Variants in LONP2 observed in about 807,000 individuals in gnomAD.
The protein encoded by LONP2 is lon protease homolog 2, peroxisomal.
A neutral mutation model predicts 85.6 loss-of-function variants in LONP2; 60 were observed. The ratio of observed to expected loss-of-function variants is 0.70; its 90% CI spans 0.57 to 0.87. The LOEUF (loss-of-function observed/expected upper bound fraction) is 0.87. Ranked by LOEUF, LONP2 falls within the 40% of genes least tolerant of loss-of-function variation. LONP2 has a pLI of 0.00. For synonymous variants in LONP2, 395 were observed against 389.7 expected (o/e 1.01, Z -0.16); for missense variants, 860 against 1,063.5 (o/e 0.81, Z 2.66).
chr16:48,244,599 C>G lies in LONP2; in HGVS notation c.211C>G (p.Gln71Glu), dbSNP rs748050260. 1 of 1,482,802 alleles carries G rather than the reference C, an allele frequency of 6.7e-7. No homozygotes were observed. Among genetic ancestry groups the G allele is most frequent in the South Asian group, 1.3e-5 (1 of 77,822 alleles). 91.9% of individuals were successfully genotyped at this position (1,482,802 alleles called of 1,614,324 possible). Reference sequence around the variant, plus strand: ...CACGCCTGACCCCGCCAGCGACGCGCAGGACCTGCCGCCGCTGCACAGGTA... The same window carrying G: ...CACGCCTGACCCCGCCAGCGACGCGGAGGACCTGCCGCCGCTGCACAGGTA... ...PNTPDPASDA[Q>E]DLPPLHRIGT... The change falls in exon 1 of 15, where the codon CAG (glutamine) becomes GAG (glutamate). Residue 71 changes from glutamine (Q) to glutamate (E), a missense_variant. This residue lies in a region of LONP2 where 743 missense variants were observed against 917.3 expected (regional missense o/e 0.81). Transcript: ENST00000285737.
At chr16:48,336,132 C>T (rs371707921) in intron 12 of LONP2, among the ~76,000 whole-genome samples, 1 of 152,296 alleles carries the variant, frequency 6.6e-6, no homozygotes, top group Non-Finnish European at 1.5e-5. Context: ...AAGATTAATG[C>T]ATGTCTCTGT....
chr16:48,259,314 A>T lies in LONP2; in HGVS notation c.723+574A>T, dbSNP rs74963510. On this transcript the variant is annotated intron_variant, in intron 4 of 14. Coordinates refer to ENST00000285737, the MANE Select transcript of LONP2 (RefSeq NM_031490.5). ...ATATTATTTTGAAGACAGCAGTTGT[A>T]TTTTTCCCTCAAATAGCTTTTTGTT... Among the ~76,000 whole-genome samples the T allele has an allele frequency of 9.1e-4, 138 of 152,232 alleles. No homozygotes were observed. The East Asian group carries it at 0.019, about 21-fold the overall frequency.
At chr16:48,318,406 C>A (rs1384838774) in intron 11 of LONP2, among the ~76,000 whole-genome samples, 1 of 152,034 alleles carries the variant, frequency 6.6e-6, no homozygotes, top group Non-Finnish European at 1.5e-5. Flanking sequence ...GTAGTCCCAG[C>A]TACTTGGGAG....
intron 6 of LONP2, among the ~76,000 whole-genome samples, chr16:48,266,773 G>T (rs1596923897): frequency 2.0e-5 from 3 of 152,040 alleles, no homozygotes; most frequent in Admixed American, 6.6e-5. Context: ...AGACATTTGG[G>T]TTGTTTTCAG....
chr16:48,307,981 C>T (rs977380869), intron 11 of LONP2, among the ~76,000 whole-genome samples: 1 of 152,150 alleles, frequency 6.6e-6, no homozygotes, highest in African/African-American at 2.4e-5. Flanking sequence ...GACCTTTTAA[C>T]AACCAGCTGT....
intron 1 of LONP2, among the ~76,000 whole-genome samples, chr16:48,250,644 A>C (rs1971620205): frequency 6.6e-6 from 1 of 152,016 alleles, no homozygotes; most frequent in African/African-American, 2.4e-5. Context: ...TAGGCCGGGG[A>C]TCCAGTTTCT....
At chr16:48,283,172 A>G (rs1356310981) in intron 8 of LONP2, among the ~76,000 whole-genome samples, 2 of 152,232 alleles carry the variant, frequency 1.3e-5, no homozygotes, top group African/African-American at 4.8e-5. Context: ...GGTTCATGAG[A>G]TTTAAGGCAA....
chr16:48,344,904 G>A (rs1364135959), intron 12 of LONP2: 2 of 152,446 alleles, frequency 1.3e-5, no homozygotes, highest in Non-Finnish European at 2.9e-5. Flanking sequence ...GGGTGACAGA[G>A]TGAGACTCTG....
At chr16:48,308,583 C>A (rs376511743) in intron 11 of LONP2, among the ~76,000 whole-genome samples, 2 of 149,458 alleles carry the variant, frequency 1.3e-5, no homozygotes, top group African/African-American at 5.0e-5. Context: ...GCCGAGATCG[C>A]GCCATTGCAC....
Position 48,353,395 on chromosome 16 carries a change from C to T in LONP2, c.*1593C>T, listed in dbSNP as rs1227387653. 3 of 150,268 alleles carry T rather than the reference C, an allele frequency of 2.0e-5. No homozygotes were observed. Among genetic ancestry groups the T allele is most frequent in the African/African-American group, 7.4e-5 (3 of 40,728 alleles). The allele number at this position is 150,268 out of a possible 1,614,324, so 9.3% of individuals were successfully genotyped here. ...GTGGCACCCGCCTGTAGTCCAGCTACTTGAGGCTGAGATGGGAGGATGAGG... is the reference window on the plus strand; with the variant it reads ...GTGGCACCCGCCTGTAGTCCAGCTATTTGAGGCTGAGATGGGAGGATGAGG... On this transcript the variant is annotated 3_prime_UTR_variant, in exon 15 of 15. Transcript: ENST00000285737.
intron 1 of LONP2, among the ~76,000 whole-genome samples, chr16:48,250,414 G>A (rs772540992): frequency 2.0e-5 from 3 of 151,948 alleles, no homozygotes; most frequent in Non-Finnish European, 4.4e-5. Flanking sequence ...TCTGGGAGAC[G>A]GAGGTTGCAG....
chr16:48,294,543 A>C (rs555788486), intron 8 of LONP2, among the ~76,000 whole-genome samples: 2 of 152,192 alleles, frequency 1.3e-5, no homozygotes, highest in South Asian at 4.2e-4. Flanking sequence ...AGGCAGGTGG[A>C]TTGCTTGAGG....
chr16:48,330,375 A>C (rs1208814363), intron 11 of LONP2, among the ~76,000 whole-genome samples: 2 of 152,264 alleles, frequency 1.3e-5, no homozygotes, highest in East Asian at 3.8e-4. Flanking sequence ...TGCCTTAAAA[A>C]GTCCATATTG....
Position 48,354,875 on chromosome 16 carries a change from AAC to A in LONP2, c.*3075_*3076del, listed in dbSNP as rs1491582587. The A allele has an allele frequency of 2.1e-5, 3 of 142,414 alleles. No homozygotes were observed. Among genetic ancestry groups the A allele is most frequent in the African/African-American group, 8.2e-5 (3 of 36,686 alleles). 8.8% of individuals were successfully genotyped at this position (142,414 alleles called of 1,614,324 possible). On this transcript the variant is annotated 3_prime_UTR_variant, in exon 15 of 15. Transcript: ENST00000285737. Reference sequence around the variant, plus strand: ...GGAACTCCAACTTTTTATTATTTGCAACAGTTAGCTTTCTTTGTTTCACATCT... The same window carrying A: ...GGAACTCCAACTTTTTATTATTTGCAAGTTAGCTTTCTTTGTTTCACATCT...
chr16:48,322,145 TAGCTATAC>T (rs1412338690), intron 11 of LONP2, among the ~76,000 whole-genome samples: 4 of 152,022 alleles, frequency 2.6e-5, no homozygotes, highest in Non-Finnish European at 4.4e-5. Flanking sequence ...ATACACTGTA[TAGCTATAC>T]AAAAAATATT....
At chr16:48,262,331 A>G (rs1309055706) in intron 5 of LONP2, among the ~76,000 whole-genome samples, 1 of 152,216 alleles carries the variant, frequency 6.6e-6, no homozygotes, top group Non-Finnish European at 1.5e-5. Context: ...TTATTGTGAT[A>G]AGTAAACCAA....
At chr16:48,290,501 G>T (rs756758184) in intron 8 of LONP2, among the ~76,000 whole-genome samples, 2 of 152,158 alleles carry the variant, frequency 1.3e-5, no homozygotes, top group Non-Finnish European at 2.9e-5. Context: ...CTTCCAGAAC[G>T]TGTGACCAAC....
In LONP2 at chr16:48,337,876, T is replaced by C. The variant is rs373236506; in HGVS notation, c.1938+3518T>C. ...TCACCTAGGCTGGATTGCAGTGGCA[T>C]GATCATAGCTCACTGCAACCTCCAC... On this transcript the variant is annotated intron_variant, in intron 12 of 14. Transcript: ENST00000285737. Among the ~76,000 whole-genome samples the C allele has an allele frequency of 1.6e-3, 248 of 152,316 alleles. 4 individuals are homozygous for C. The South Asian group carries it at 0.022, about 13-fold the overall frequency.
chr16:48,339,784 T>A (rs1959763092), intron 12 of LONP2, among the ~76,000 whole-genome samples: 1 of 152,208 alleles, frequency 6.6e-6, no homozygotes. Context: ...GAAAAGATTA[T>A]AATGATGGGG....
Sources: allele counts gnomAD v4.1 joint callset (sites outside exome capture counted in the v4.1 genomes callset), GRCh38; gene constraint gnomAD v4.1.1; regional missense constraint gnomAD v4.1.1; transcripts MANE v1.5; gene names NCBI Gene and HGNC (gene_info 2026-07-23, HGNC 2026-07-21).